Variants in PIEZO2 observed in about 807,000 individuals in gnomAD.
The protein encoded by PIEZO2 is piezo type mechanosensitive ion channel component 2, also known as piezo-type mechanosensitive ion channel component 2.
PIEZO2 carries 172 observed loss-of-function variants against 337.3 expected under a neutral mutation model. The ratio of observed to expected loss-of-function variants is 0.51; its 90% CI spans 0.45 to 0.58. PIEZO2 has a LOEUF of 0.58. Ranked by LOEUF, PIEZO2 falls within the 20% of genes least tolerant of loss-of-function variation. The pLI, the probability that PIEZO2 is intolerant of heterozygous loss-of-function variation, is 0.00. For missense variants in PIEZO2, 3,028 were observed against 3,391.3 expected (o/e 0.89, Z 2.66); for synonymous variants, 1,251 against 1,228.5 (o/e 1.02, Z -0.38).
chr18:11,116,970 T>G lies in PIEZO2; in HGVS notation c.64+31555A>C, dbSNP rs2039908992. 6.6e-6 allele frequency among the ~76,000 whole-genome samples: 1 copy of G among 151,930 alleles called. No homozygotes were observed. The highest frequency in any genetic ancestry group is 1.5e-5 in the Non-Finnish European group (1 of 67,990). ...CTAAAAATATAAAAATTAGCCTGGCTTGGTGGCACGTGCCTGTAGTGCCAG... is the reference window on the plus strand; with the variant it reads ...CTAAAAATATAAAAATTAGCCTGGCGTGGTGGCACGTGCCTGTAGTGCCAG... On this transcript the variant is annotated intron_variant, in intron 1 of 55. Coordinates refer to ENST00000674853, the MANE Select transcript of PIEZO2 (RefSeq NM_001378183.1). This position sits in a 1 kb window ranked among gnomAD's most constrained non-coding sequence, Gnocchi z 5.0.
At chr18:10,956,163 A>G (rs2033511400) in intron 3 of PIEZO2, among the ~76,000 whole-genome samples, 1 of 152,220 alleles carries the variant, frequency 6.6e-6, no homozygotes, top group African/African-American at 2.4e-5. Context: ...ATTTTCAAAA[A>G]ATGTCAATAG....
At chr18:10,760,808 T>C in intron 24 of PIEZO2, 103 bp downstream of exon 24, 2 of 895,376 alleles carry the variant, frequency 2.2e-6, no homozygotes, top group Admixed American at 4.7e-5. Flanking sequence ...ACAGCTATCA[T>C]GCCTGCAGAT....
At chr18:10,926,331 G>A (rs764505797) in intron 3 of PIEZO2, among the ~76,000 whole-genome samples, 2 of 152,194 alleles carry the variant, frequency 1.3e-5, no homozygotes, top group African/African-American at 4.8e-5. Flanking sequence ...TTTAAGCCAT[G>A]AATATCAGTA....
chr18:10,832,029 G>A (rs138982794), intron 7 of PIEZO2, among the ~76,000 whole-genome samples: 3 of 152,260 alleles, frequency 2.0e-5, no homozygotes, highest in African/African-American at 7.2e-5. Context: ...CAGGTGCGGT[G>A]GCTCACACTT....
intron 3 of PIEZO2, among the ~76,000 whole-genome samples, chr18:10,939,425 C>G (rs2032598140): frequency 6.7e-6 from 1 of 148,906 alleles, no homozygotes. Context: ...GGGTATATAC[C>G]CAAAGGATTA....
intron 4 of PIEZO2, among the ~76,000 whole-genome samples, chr18:10,880,875 AT>A (rs2042396728): frequency 2.0e-5 from 2 of 97,670 alleles, no homozygotes; most frequent in South Asian, 3.6e-4. Flanking sequence ...ATATATATAT[AT>A]ATATATATAT....
Position 10,979,915 on chromosome 18 carries a change from T to A in PIEZO2, c.161-255A>T, listed in dbSNP as rs2034600236. Among the ~76,000 whole-genome samples the A allele has an allele frequency of 6.6e-6, 1 of 152,174 alleles. No individual in the cohort carries two copies. On this transcript the variant is annotated intron_variant, in intron 2 of 55. Coordinates refer to ENST00000674853, the MANE Select transcript of PIEZO2 (RefSeq NM_001378183.1). This position sits in a 1 kb window ranked among gnomAD's most constrained non-coding sequence, Gnocchi z 4.0. ...AATTTCCTATTTATCATATGACACA[T>A]TACAGTGGAACTACAAAAAGGTCCT...
Position 10,794,479 on chromosome 18 carries a change from C to T in PIEZO2, c.1758+293G>A, listed in dbSNP as rs932655064. On this transcript the variant is annotated intron_variant, in intron 13 of 55. Coordinates refer to ENST00000674853, the MANE Select transcript of PIEZO2 (RefSeq NM_001378183.1). This position sits in a 1 kb window ranked among gnomAD's most constrained non-coding sequence, Gnocchi z 6.6. ...GCACTGTATTTTCCTATTTTCACACCTAATTTTTACTCTAGTAGGATTTAT... is the reference window on the plus strand; with the variant it reads ...GCACTGTATTTTCCTATTTTCACACTTAATTTTTACTCTAGTAGGATTTAT... 2.0e-5 allele frequency among the ~76,000 whole-genome samples: 3 copies of T among 152,114 alleles called. No homozygotes were observed. The highest frequency in any genetic ancestry group is 7.2e-5 in the African/African-American group (3 of 41,428).
chr18:10,938,644 A>G (rs990794599), intron 3 of PIEZO2, among the ~76,000 whole-genome samples: 1 of 152,270 alleles, frequency 6.6e-6, no homozygotes, highest in Non-Finnish European at 1.5e-5. Flanking sequence ...AAACATACTG[A>G]AAGATTCTTC....
In PIEZO2 at chr18:11,032,419, G is replaced by A. The variant is rs1031994807; in HGVS notation, c.160+33708C>T. On this transcript the variant is annotated intron_variant, in intron 2 of 55. Transcript: ENST00000674853. The surrounding 1 kb of genome is among the most constrained non-coding windows in gnomAD (Gnocchi z 4.9). ...TATCCTTACTTCACCTGGGAATAAC[G>A]ATTTACTGAATTTCAGCTCTTGCTC... Among the ~76,000 whole-genome samples, 3 of 152,126 alleles carry A rather than the reference G, an allele frequency of 2.0e-5. No individual in the cohort carries two copies. Among genetic ancestry groups the A allele is most frequent in the Non-Finnish European group, 2.9e-5 (2 of 68,018 alleles).
Position 10,726,334 on chromosome 18 carries a change from G to C in PIEZO2, c.5029+5073C>G. ...GAGCAGGTGGGTCCCCGAACGCCCCGCCCAGCGCTGCCTCCCTTCGCCTTC... is the reference window on the plus strand; with the variant it reads ...GAGCAGGTGGGTCCCCGAACGCCCCCCCCAGCGCTGCCTCCCTTCGCCTTC... On this transcript the variant is annotated intron_variant, in intron 36 of 55. Transcript: ENST00000674853. The surrounding 1 kb of genome is among the most constrained non-coding windows in gnomAD (Gnocchi z 5.9). 1 of 1,455,332 alleles carries C rather than the reference G, an allele frequency of 6.9e-7. No individual in the cohort carries two copies. The highest frequency in any genetic ancestry group is 9.2e-7 in the Non-Finnish European group (1 of 1,090,462). The allele number at this position is 1,455,332 out of a possible 1,614,324, so 90.2% of individuals were successfully genotyped here.
Position 10,691,329 on chromosome 18 carries a change from G to A in PIEZO2, c.7245C>T (p.Tyr2415=), listed in dbSNP as rs1230916134. 6.2e-7 allele frequency: 1 copy of A among 1,614,006 alleles called. No homozygotes were observed. The highest frequency in any genetic ancestry group is 8.5e-7 in the Non-Finnish European group (1 of 1,179,972). ...GGATCTGGTAAGCAGACAACCCGAA[G>A]TAAACACATTTCACAAAGTACCAAA... ...AQLWYFVKCV[Y]FGLSAYQIRC... is the part of the protein sequence containing the mutation. The change falls in exon 48 of 56, where the codon TAC becomes TAT. Residue 2415 remains tyrosine (Y), a synonymous_variant. Coordinates refer to ENST00000674853, the MANE Select transcript of PIEZO2 (RefSeq NM_001378183.1).
intron 49 of PIEZO2, among the ~76,000 whole-genome samples, chr18:10,688,135 T>C (rs2034634130): frequency 1.3e-5 from 2 of 152,110 alleles, no homozygotes; most frequent in South Asian, 2.1e-4. Flanking sequence ...TAGGTATTTG[T>C]CCTAATACTA....
rs1355310439 is a variant in PIEZO2 at position 11,032,982 on chromosome 18, G to A, written c.160+33145C>T. 6.6e-6 allele frequency among the ~76,000 whole-genome samples: 1 copy of A among 152,168 alleles called. No homozygotes were observed. Among genetic ancestry groups the A allele is most frequent in the Non-Finnish European group, 1.5e-5 (1 of 68,046 alleles). ...TCAAGGTAGATGAGAAATGAGTGAG[G>A]TTGGCTTCTGCCTCCCTCTCTTCCA... On this transcript the variant is annotated intron_variant, in intron 2 of 55. Coordinates refer to ENST00000674853, the MANE Select transcript of PIEZO2 (RefSeq NM_001378183.1). The surrounding 1 kb of genome is among the most constrained non-coding windows in gnomAD (Gnocchi z 4.9).
chr18:10,826,127 T>C (rs1460799795), intron 7 of PIEZO2, among the ~76,000 whole-genome samples: 2 of 152,210 alleles, frequency 1.3e-5, no homozygotes, highest in African/African-American at 2.4e-5. Flanking sequence ...CAGCCATTTC[T>C]CCAAGGAGCC....
chr18:11,098,246 C>G (rs945964745), intron 1 of PIEZO2, among the ~76,000 whole-genome samples: 1 of 68,316 alleles, frequency 1.5e-5, no homozygotes, highest in Non-Finnish European at 3.1e-5. Context: ...AAGCAAGATA[C>G]ACACACACAC....
chr18:11,064,674 C>T (rs1262520214), intron 2 of PIEZO2, among the ~76,000 whole-genome samples: 1 of 152,076 alleles, frequency 6.6e-6, no homozygotes, highest in East Asian at 1.9e-4. Flanking sequence ...AAGAAAAAGT[C>T]AGGGGTTGTC....
Position 11,001,937 on chromosome 18 carries a change from G to GGAAGGAAC in PIEZO2, c.161-22278_161-22277insGTTCCTTC, listed in dbSNP as rs2035556633. 2.3e-5 allele frequency among the ~76,000 whole-genome samples: 3 copies of GGAAGGAAC among 129,292 alleles called. No homozygotes were observed. The Admixed American group carries it at 2.4e-4, about 10-fold the overall frequency. 84.8% of individuals were successfully genotyped at this position (129,292 alleles called of 152,430 possible). A position where few individuals can be genotyped will look rare whatever the true frequency, so the allele number is the denominator to read the frequency against. ...AGGAAGGAAGGAAGGAAGGAAGGAA[G>GGAAGGAAC]GAAGGAAGGAAGAAAAAAAGACTTG... On this transcript the variant is annotated intron_variant, in intron 2 of 55. Coordinates refer to ENST00000674853, the MANE Select transcript of PIEZO2 (RefSeq NM_001378183.1). This position sits in a 1 kb window ranked among gnomAD's most constrained non-coding sequence, Gnocchi z 5.3.
chr18:10,843,983 C>T (rs577583478), intron 7 of PIEZO2, among the ~76,000 whole-genome samples: 4 of 152,340 alleles, frequency 2.6e-5, no homozygotes, highest in Admixed American at 6.5e-5. Flanking sequence ...AGGGAGTCTT[C>T]ATAAACATTC....
Sources: gnomAD v4.1 joint callset for allele counts (sites outside exome capture counted in the v4.1 genomes callset) on GRCh38, gnomAD v4.1.1 for gene constraint, Gnocchi (gnomAD v3.1) non-coding constraint, MANE v1.5 for transcripts, NCBI Gene and HGNC (gene_info 2026-07-23, HGNC 2026-07-21) for gene names.